The following CDC42 variants were observed in gnomAD, a reference collection of about 807,000 sequenced individuals.
CDC42 encodes cell division control protein 42 homolog.
Under a neutral mutation model 20.8 loss-of-function variants are expected in CDC42, and 1 was observed. The ratio of observed to expected loss-of-function variants is 0.05; its 90% confidence interval spans 0.02 to 0.23. CDC42 has a LOEUF of 0.23. CDC42 is among the 10% of genes least tolerant of loss of function. CDC42 has a pLI of 1.00. For missense variants in CDC42, 49 were observed against 227.9 expected, an observed-to-expected ratio of 0.21 and a Z score of 5.05; for synonymous variants, 72 against 84.8, an observed-to-expected ratio of 0.85 and a Z score of 0.83.
rs17425716 is a variant in CDC42, at chr1:22,084,871, A to G, written c.179-1568A>G. Among the ~76,000 whole-genome samples the G allele has an allele frequency of 9.5e-3, 1,445 of 152,086 alleles. 21 individuals are homozygous for G. The highest frequency in any genetic ancestry group is 0.033 in the African/African-American group (1,361 of 41,482). ...TTTGTCTTTTGCTTGTGAATATGTCATTTTCTCAGCACCATTTATTGAAGA... is the reference window on the plus strand; with the variant it reads ...TTTGTCTTTTGCTTGTGAATATGTCGTTTTCTCAGCACCATTTATTGAAGA... On this transcript the variant is annotated intron_variant, in intron 3 of 5. Transcript: ENST00000656825.
chr1:22,083,615 A>AT (rs1317673083), intron 3 of CDC42, among the ~76,000 whole-genome samples: 1 of 152,084 alleles, frequency 6.6e-6, no homozygotes, highest in Non-Finnish European at 1.5e-5. Context: ...TAAAAAAAAA[A>AT]AAATCGTTTT....
At chr1:22,061,274 G>A (rs1319093176) in intron 1 of CDC42, among the ~76,000 whole-genome samples, 2 of 152,002 alleles carry the variant, frequency 1.3e-5, no homozygotes, top group East Asian at 2.0e-4. Context: ...CAGGTGTGGT[G>A]GCATGTGCCT....
chr1:22,089,769 C>T (rs1298756362), intron 5 of CDC42, among the ~76,000 whole-genome samples: 8 of 152,196 alleles, frequency 5.3e-5, no homozygotes, highest in Non-Finnish European at 1.5e-5. Context: ...AGTTTTTGGT[C>T]AGTTATCTAC....
intron 1 of CDC42, among the ~76,000 whole-genome samples, chr1:22,074,587 A>G (rs1158885971): frequency 2.6e-5 from 4 of 151,992 alleles, no homozygotes; most frequent in Admixed American, 6.6e-5. Flanking sequence ...AAAAAAAATT[A>G]AGAAAAAAAG....
Position 22,095,836 on chromosome 1 carries a change from G to A in CDC42, c.*4319G>A, listed in dbSNP as rs532555509. On this transcript the variant is annotated 3_prime_UTR_variant, in exon 6 of 6. Transcript: ENST00000656825. Reference sequence around the variant, plus strand: ...CTGCTTGAGTGTGGACTTGCTTATGGTGGGCCAAAGAGGGGCAAGGGAAAG... The same window carrying A: ...CTGCTTGAGTGTGGACTTGCTTATGATGGGCCAAAGAGGGGCAAGGGAAAG... 3.9e-5 allele frequency among the ~76,000 whole-genome samples: 6 copies of A among 152,228 alleles called. No homozygotes were observed. The highest frequency in any genetic ancestry group is 8.8e-5 in the Non-Finnish European group (6 of 68,030).
intron 3 of CDC42, among the ~76,000 whole-genome samples, chr1:22,083,034 C>A (rs899061241): frequency 6.6e-6 from 1 of 151,914 alleles, no homozygotes; most frequent in African/African-American, 2.4e-5. Flanking sequence ...CATGCGCCAC[C>A]ATACCCGGCT....
chr1:22,053,935 A>G (rs1368382588), intron 1 of CDC42, among the ~76,000 whole-genome samples: 1 of 152,184 alleles, frequency 6.6e-6, no homozygotes, highest in Non-Finnish European at 1.5e-5. Context: ...CCCTTTGACT[A>G]TACTAGAATG....
rs1645783391 is a variant in CDC42 at position 22,100,521 on chromosome 1, C to T, written c.*9004C>T. The T allele has an allele frequency of 6.6e-6, 1 of 152,186 alleles. No homozygotes were observed. The highest frequency in any genetic ancestry group is 2.1e-4 in the South Asian group (1 of 4,830). 9.4% of individuals were successfully genotyped at this position (152,186 alleles called of 1,614,324 possible). ...TGCATTCTCTGTGAAGTGGAAATAGCTGTACTTTGCCCAAGAGTTGTGAGA... is the reference window on the plus strand; with the variant it reads ...TGCATTCTCTGTGAAGTGGAAATAGTTGTACTTTGCCCAAGAGTTGTGAGA... On this transcript the variant is annotated 3_prime_UTR_variant, in exon 6 of 6. Coordinates refer to ENST00000656825, the MANE Select transcript of CDC42 (RefSeq NM_001791.4).
Position 22,086,425 on chromosome 1 carries a change from T to G in CDC42, c.179-14T>G, listed in dbSNP as rs1164782661. The G allele has an allele frequency of 6.4e-7, 1 of 1,552,486 alleles. No homozygotes were observed. Among genetic ancestry groups the G allele is most frequent in the Non-Finnish European group, 8.8e-7 (1 of 1,136,648 alleles). On this transcript the variant is annotated splice_polypyrimidine_tract_variant and intron_variant, in intron 3 of 5. Coordinates refer to ENST00000656825, the MANE Select transcript of CDC42 (RefSeq NM_001791.4). The stretch of plus-strand genomic sequence containing the variant: ...CAGTTGCTGAATTCTCTCCAATATT[T>G]TTCTTTTTTCTAGGGCAAGAGGATT...
intron 3 of CDC42, among the ~76,000 whole-genome samples, chr1:22,083,091 G>C (rs533110977): frequency 6.6e-6 from 1 of 151,866 alleles, no homozygotes; most frequent in South Asian, 2.1e-4. Context: ...ATGTTGGTCA[G>C]GCTGGTCTCG....
At chr1:22,081,680 C>T (rs753362067) in intron 2 of CDC42, 42 bp from the exon 3 acceptor site, 60 of 1,257,654 alleles carry the variant, frequency 4.8e-5, no homozygotes, top group Non-Finnish European at 7.0e-5. Context: ...CATTTTAACT[C>T]TCTCCTTGCA....
chr1:22,056,910 T>G (rs1416931274), intron 1 of CDC42, among the ~76,000 whole-genome samples: 1 of 152,276 alleles, frequency 6.6e-6, no homozygotes, highest in East Asian at 1.9e-4. Context: ...TGATTTAGGC[T>G]CTGTTACTGT....
chr1:22,074,734 G>A (rs868754904), intron 1 of CDC42, among the ~76,000 whole-genome samples: 1 of 152,160 alleles, frequency 6.6e-6, no homozygotes, highest in African/African-American at 2.4e-5. Context: ...GTGTTAAAGG[G>A]CAAAACTACA....
In CDC42 at chr1:22,097,268, T is replaced by G. The variant is rs528883182; in HGVS notation, c.*5751T>G. Reference sequence around the variant, plus strand: ...ACCTCTTAAATCTGTATTATTACTTTTTTTTCGAGACCAGATCTTACTCTG... The same window carrying G: ...ACCTCTTAAATCTGTATTATTACTTGTTTTTCGAGACCAGATCTTACTCTG... On this transcript the variant is annotated 3_prime_UTR_variant, in exon 6 of 6. Transcript: ENST00000656825. Among the ~76,000 whole-genome samples, 3 of 152,214 alleles carry G rather than the reference T, an allele frequency of 2.0e-5. No homozygotes were observed. The highest frequency in any genetic ancestry group is 4.1e-4 in the South Asian group (2 of 4,828).
At chr1:22,074,842 G>T (rs1305273238) in intron 1 of CDC42, among the ~76,000 whole-genome samples, 1 of 152,238 alleles carries the variant, frequency 6.6e-6, no homozygotes, top group Non-Finnish European at 1.5e-5. Context: ...TGGCTTAATA[G>T]AAGAGCTGAG....
intron 1 of CDC42, among the ~76,000 whole-genome samples, chr1:22,075,336 C>T (rs1018456550): frequency 6.6e-6 from 1 of 152,192 alleles, no homozygotes; most frequent in East Asian, 1.9e-4. Context: ...CATTTGACTA[C>T]ATTTGTGCTG....
rs534079504 is a variant in CDC42 at position 22,093,799 on chromosome 1, A to G, written c.*2282A>G. Among the ~76,000 whole-genome samples, 19 of 152,352 alleles carry G rather than the reference A, an allele frequency of 1.2e-4. No individual in the cohort carries two copies. Among genetic ancestry groups the G allele is most frequent in the African/African-American group, 4.1e-4 (17 of 41,586 alleles). On this transcript the variant is annotated 3_prime_UTR_variant, in exon 6 of 6. Coordinates refer to ENST00000656825, the MANE Select transcript of CDC42 (RefSeq NM_001791.4). ...GCAGGGACATATGTATCCTTAGTGT[A>G]GTCAGGGGCGTATAGGTCCTTGACT...
At chr1:22,074,576 GA>G (rs929227682) in intron 1 of CDC42, among the ~76,000 whole-genome samples, 12 of 151,532 alleles carry the variant, frequency 7.9e-5, no homozygotes, top group Admixed American at 5.3e-4. Flanking sequence ...GTGACATTAA[GA>G]AAAAAAATTA....
chr1:22,057,305 T>C (rs938877678), intron 1 of CDC42, among the ~76,000 whole-genome samples: 1 of 152,248 alleles, frequency 6.6e-6, no homozygotes, highest in African/African-American at 2.4e-5. Context: ...CCCGCCATCT[T>C]TGAGAAGCTG....
Sources: allele counts gnomAD v4.1 joint callset (sites outside exome capture counted in the v4.1 genomes callset), GRCh38; gene constraint gnomAD v4.1.1; transcripts MANE v1.5; gene names NCBI Gene and HGNC (gene_info 2026-07-23, HGNC 2026-07-21).